The following GALNT13 variants were observed in gnomAD, a reference collection of about 807,000 sequenced individuals.
The protein encoded by GALNT13 is UDP-GalNAc:polypeptide N-acetylgalactosaminyltransferase 13.
Under a neutral mutation model 64.2 loss-of-function variants are expected in GALNT13, and 28 were observed. That is an observed-to-expected ratio of 0.44 (90% CI 0.32 to 0.60). GALNT13 has a LOEUF of 0.60. Among genes scored for constraint, GALNT13 ranks in the 20% least tolerant of loss-of-function variants. GALNT13 has a pLI of 0.05. For missense variants in GALNT13, 577 were observed against 669.8 expected (o/e 0.86, Z 1.53); for synonymous variants, 214 against 224.6 (o/e 0.95, Z 0.42).
chr2:154,305,047 A>G (rs182505253), intron 9 of GALNT13, among the ~76,000 whole-genome samples: 266 of 152,310 alleles, frequency 1.7e-3, no homozygotes, highest in African/African-American at 5.6e-3. Flanking sequence ...CTAGTACTGG[A>G]TGTCTAAAAC....
At chr2:153,610,633 C>A in the GALNT13 span, among the ~76,000 whole-genome samples, 7 of 152,106 alleles carry the variant, frequency 4.6e-5, no homozygotes, top group Non-Finnish European at 1.0e-4. Context: ...CAAGATCACA[C>A]CACTGCACTG....
chr2:154,310,941 C>T (rs1693997445), intron 9 of GALNT13, among the ~76,000 whole-genome samples: 1 of 129,450 alleles, frequency 7.7e-6, no homozygotes. Context: ...TATTATTATT[C>T]ATATATATTC....
chr2:154,409,391 T>C, intron 11 of GALNT13: 1 of 275,494 alleles, frequency 3.6e-6, no homozygotes, highest in Non-Finnish European at 6.9e-6. Flanking sequence ...ATTAACTGAA[T>C]ATAGAAAATA....
chr2:154,232,046 A>AAGAG (rs745758874), intron 4 of GALNT13, among the ~76,000 whole-genome samples: 3 of 149,120 alleles, frequency 2.0e-5, no homozygotes, highest in African/African-American at 7.4e-5. Flanking sequence ...GTTAAAACAA[A>AAGAG]AGAGAGAGAG....
At chr2:154,330,479 A>C (rs942005972) in intron 9 of GALNT13, among the ~76,000 whole-genome samples, 2 of 152,132 alleles carry the variant, frequency 1.3e-5, no homozygotes, top group Non-Finnish European at 2.9e-5. Context: ...GACAGATAGT[A>C]ATCACCTTGC....
chr2:153,384,432 A>G, the GALNT13 span, among the ~76,000 whole-genome samples: 3 of 152,076 alleles, frequency 2.0e-5, no homozygotes, highest in Non-Finnish European at 4.4e-5. Flanking sequence ...TAAGTCATAT[A>G]AATGAGTAAA....
intron 3 of GALNT13, among the ~76,000 whole-genome samples, chr2:154,125,758 T>TC (rs1407967536): frequency 6.6e-6 from 1 of 152,208 alleles, no homozygotes; most frequent in Non-Finnish European, 1.5e-5. Flanking sequence ...CTTTTTGTAA[T>TC]GTGAATCACT....
the GALNT13 span, among the ~76,000 whole-genome samples, chr2:153,406,035 GA>G: frequency 6.6e-6 from 1 of 152,174 alleles, no homozygotes; most frequent in Non-Finnish European, 1.5e-5. Context: ...AGAGAAAAGA[GA>G]AAGTTGCTAA....
At chr2:154,133,655 A>AACTAGATTGTCT (rs1212077736) in intron 3 of GALNT13, among the ~76,000 whole-genome samples, 1 of 149,302 alleles carries the variant, frequency 6.7e-6, no homozygotes, top group Non-Finnish European at 1.5e-5. Flanking sequence ...TTGATAATAG[A>AACTAGATTGTCT]ACTAGATTGT....
At chr2:154,214,609 C>T (rs1423301814) in intron 4 of GALNT13, among the ~76,000 whole-genome samples, 2 of 152,064 alleles carry the variant, frequency 1.3e-5, no homozygotes, top group Admixed American at 6.6e-5. Context: ...TGAGTGAGTT[C>T]TCATGAGATC....
At chr2:153,630,650 A>G in the GALNT13 span, among the ~76,000 whole-genome samples, 1 of 148,374 alleles carries the variant, frequency 6.7e-6, no homozygotes, top group African/African-American at 2.5e-5. Context: ...AAGTATAATT[A>G]TAATAAAATT....
At chr2:154,092,088 A>G (rs1344338252) in intron 3 of GALNT13, among the ~76,000 whole-genome samples, 2 of 130,206 alleles carry the variant, frequency 1.5e-5, no homozygotes, top group Admixed American at 1.5e-4. Context: ...AAAAAAAAAA[A>G]AAAAAAAAAA....
the GALNT13 span, among the ~76,000 whole-genome samples, chr2:153,442,911 T>C: frequency 2.7e-3 from 413 of 152,248 alleles, 19 homozygotes; most frequent in East Asian, 0.073. Context: ...CAAGCTCGAG[T>C]GTCCCTGGTT....
At chr2:153,289,323 A>G in the GALNT13 span, among the ~76,000 whole-genome samples, 4 of 152,170 alleles carry the variant, frequency 2.6e-5, no homozygotes, top group African/African-American at 9.7e-5. Flanking sequence ...ATGATAGAAA[A>G]ATTATTTTTT....
intron 3 of GALNT13, among the ~76,000 whole-genome samples, chr2:154,061,665 T>G (rs571535745): frequency 6.6e-6 from 1 of 152,310 alleles, no homozygotes; most frequent in East Asian, 1.9e-4. Context: ...ATATCAACAT[T>G]TCTAGCGTAG....
Position 153,982,516 on chromosome 2 carries a change from A to G in GALNT13, c.142+37877A>G, listed in dbSNP as rs546921230. On this transcript the variant is annotated intron_variant, in intron 3 of 12. Coordinates refer to ENST00000392825, the MANE Select transcript of GALNT13 (RefSeq NM_052917.4). Reference sequence around the variant, plus strand: ...TCACCAAGTTTGTATGTTGAAGTCAATGTACCTAAGGGAAAATAGTGACAG... The same window carrying G: ...TCACCAAGTTTGTATGTTGAAGTCAGTGTACCTAAGGGAAAATAGTGACAG... Among the ~76,000 whole-genome samples, 20 of 152,196 alleles carry G rather than the reference A, an allele frequency of 1.3e-4. No individual in the cohort carries two copies. The South Asian group carries it at 1.9e-3, about 14-fold the overall frequency.
the GALNT13 span, among the ~76,000 whole-genome samples, chr2:153,228,869 C>CAAAAAAAAAAAAAAAAAAAAAAAAAAAAA: frequency 1.5e-5 from 1 of 68,630 alleles, no homozygotes; most frequent in Non-Finnish European, 2.7e-5. Context: ...GAGACTGTCT[C>CAAAAAAAAAAAAAAAAAAAAAAAAAAAAA]AAAAAAAAAA....
intron 4 of GALNT13, among the ~76,000 whole-genome samples, chr2:154,142,529 A>T (rs1047877807): frequency 1.4e-5 from 2 of 147,472 alleles, no homozygotes; most frequent in African/African-American, 5.1e-5. Flanking sequence ...AGCCTGGGCA[A>T]CAAGAGCGAA....
the GALNT13 span, among the ~76,000 whole-genome samples, chr2:153,848,649 T>C: frequency 2.6e-5 from 4 of 152,196 alleles, no homozygotes; most frequent in African/African-American, 9.6e-5. Flanking sequence ...TGAATATCAC[T>C]ACAGATCTTA....
Sources: gnomAD v4.1 joint callset for allele counts (sites outside exome capture counted in the v4.1 genomes callset) on GRCh38, gnomAD v4.1.1 for gene constraint, MANE v1.5 for transcripts, NCBI Gene and HGNC (gene_info 2026-07-23, HGNC 2026-07-21) for gene names.